DIAPH3: variants seen among roughly 807,000 people sequenced by gnomAD.
DIAPH3 encodes the protein diaphanous related formin 3.
DIAPH3 carries 117 observed loss-of-function variants against 144.3 expected under a neutral mutation model. The observed-to-expected ratio is 0.81, with a 90% CI of 0.70 to 0.95. The LOEUF is 0.95. DIAPH3 is among the 40% of genes least tolerant of loss of function. The pLI is 0.00. For missense variants in DIAPH3, 1,421 were observed against 1,412.7 expected (o/e 1.01, Z -0.09); for synonymous variants, 519 against 488.9 (o/e 1.06, Z -0.81).
intron 23 of DIAPH3, among the ~76,000 whole-genome samples, chr13:59,834,551 T>G (rs2041945238): frequency 6.6e-6 from 1 of 151,538 alleles, no homozygotes. Context: ...TCCTTTTCTT[T>G]GAGAAAAATA....
intron 4 of DIAPH3, among the ~76,000 whole-genome samples, chr13:60,054,630 T>C (rs2056488009): frequency 6.6e-6 from 1 of 152,020 alleles, no homozygotes; most frequent in Non-Finnish European, 1.5e-5. Context: ...TTTAAAGAAA[T>C]AGTTTGCACT....
chr13:59,972,802 C>G (rs2050463134), intron 15 of DIAPH3, among the ~76,000 whole-genome samples: 1 of 152,172 alleles, frequency 6.6e-6, no homozygotes, highest in South Asian at 2.1e-4. Flanking sequence ...GACACTGTGA[C>G]TATCTTGCTC....
rs2056812292 is a variant in DIAPH3 at position 60,062,503 on chromosome 13, A to G, written c.496-19683T>C. 2.0e-5 allele frequency among the ~76,000 whole-genome samples: 3 copies of G among 152,192 alleles called. No individual in the cohort carries two copies. In the South Asian group the frequency reaches 6.2e-4, roughly 32 times the overall value. ...ACTATTTCCTTCCAATTACCTTTAA[A>G]CCTTTACATTCTGACATCTACCAAG... On this transcript the variant is annotated intron_variant, in intron 4 of 27. Coordinates refer to ENST00000400324, the MANE Select transcript of DIAPH3 (RefSeq NM_001042517.2).
rs537028177 is a variant in DIAPH3 at position 60,042,678 on chromosome 13, T to G, written c.626+12A>C. 9.9e-6 allele frequency: 16 copies of G among 1,613,292 alleles called. No homozygotes were observed. Among genetic ancestry groups the G allele is most frequent in the Non-Finnish European group, 1.4e-5 (16 of 1,179,544 alleles). The stretch of plus-strand genomic sequence containing the variant: ...GACATCTGCCCTGTTGGTGTTCAAA[T>G]AGATGAATTACCTCACAGGATTGCT... On this transcript the variant is annotated intron_variant, in intron 5 of 27. Transcript: ENST00000400324.
At chr13:59,959,113 T>C (rs906341291) in intron 17 of DIAPH3, among the ~76,000 whole-genome samples, 4 of 152,076 alleles carry the variant, frequency 2.6e-5, no homozygotes, top group Non-Finnish European at 5.9e-5. Context: ...TGACCTCAGG[T>C]GCTCCACCCA....
At chr13:59,997,592 G>T (rs895144381) in intron 9 of DIAPH3, among the ~76,000 whole-genome samples, 8 of 151,570 alleles carry the variant, frequency 5.3e-5, no homozygotes, top group African/African-American at 9.7e-5. Flanking sequence ...TCTAACCTTT[G>T]GTTCCCTGAC....
intron 3 of DIAPH3, among the ~76,000 whole-genome samples, chr13:60,109,692 G>T (rs1183714487): frequency 6.6e-6 from 1 of 152,132 alleles, no homozygotes; most frequent in Admixed American, 6.5e-5. Context: ...AGAAAAATAA[G>T]CTCAGAGGGC....
chr13:60,142,539 G>A (rs1191269186), intron 1 of DIAPH3, among the ~76,000 whole-genome samples: 1 of 152,076 alleles, frequency 6.6e-6, no homozygotes, highest in East Asian at 1.9e-4. Context: ...AAGTTTGAGC[G>A]CCAACCCTAA....
At chr13:59,817,969 T>G (rs2040865503) in intron 24 of DIAPH3, among the ~76,000 whole-genome samples, 1 of 152,012 alleles carries the variant, frequency 6.6e-6, no homozygotes, top group Admixed American at 6.6e-5. Context: ...ACATTTGTTT[T>G]CATAGTACCT....
intron 17 of DIAPH3, among the ~76,000 whole-genome samples, chr13:59,949,765 G>C (rs2049004894): frequency 6.6e-6 from 1 of 152,050 alleles, no homozygotes; most frequent in Non-Finnish European, 1.5e-5. Context: ...ACAGTATCTT[G>C]AGTCAAGCAG....
intron 17 of DIAPH3, 41 bp downstream of exon 17, chr13:59,969,903 T>G (rs1310992710): frequency 1.6e-6 from 2 of 1,287,928 alleles, no homozygotes; most frequent in Non-Finnish European, 2.2e-6. Context: ...ATGTTAAAAT[T>G]CTAAAATCAA....
chr13:60,130,305 C>A (rs2059106788), intron 2 of DIAPH3, among the ~76,000 whole-genome samples: 1 of 152,206 alleles, frequency 6.6e-6, no homozygotes, highest in African/African-American at 2.4e-5. Flanking sequence ...CCTGCCTGAT[C>A]CTTCCCTGGA....
chr13:60,130,366 G>C (rs900281798), intron 2 of DIAPH3, among the ~76,000 whole-genome samples: 1 of 152,204 alleles, frequency 6.6e-6, no homozygotes, highest in South Asian at 2.1e-4. Context: ...GATCAGAAGA[G>C]AACAGTGAGA....
At chr13:59,912,230 A>C (rs1297282619) in intron 19 of DIAPH3, among the ~76,000 whole-genome samples, 1 of 152,178 alleles carries the variant, frequency 6.6e-6, no homozygotes. Context: ...CACTTCACTC[A>C]GGGGGATAAA....
intron 4 of DIAPH3, among the ~76,000 whole-genome samples, chr13:60,056,669 C>T (rs1377964425): frequency 6.6e-6 from 1 of 151,614 alleles, no homozygotes. Flanking sequence ...TAGAATAGTA[C>T]CAGATGATCC....
intron 25 of DIAPH3, among the ~76,000 whole-genome samples, chr13:59,796,618 A>T (rs1270316730): frequency 1.3e-5 from 2 of 152,244 alleles, no homozygotes; most frequent in Non-Finnish European, 2.9e-5. Context: ...GTGCATACAG[A>T]TATATTTCCC....
At chr13:60,096,619 G>T (rs1371189706) in intron 3 of DIAPH3, among the ~76,000 whole-genome samples, 2 of 152,220 alleles carry the variant, frequency 1.3e-5, no homozygotes, top group Non-Finnish European at 2.9e-5. Context: ...TCCGCCCTCA[G>T]TATGGGCAGG....
At chr13:60,135,296 G>A (rs1243349569) in intron 1 of DIAPH3, among the ~76,000 whole-genome samples, 1 of 151,146 alleles carries the variant, frequency 6.6e-6, no homozygotes, top group Admixed American at 6.6e-5. Flanking sequence ...ATCTCATTGA[G>A]GGTATAGCTT....
In DIAPH3 at chr13:59,924,922, A is replaced by T; in HGVS notation, c.2075-52T>A. On this transcript the variant is annotated intron_variant, in intron 17 of 27. Coordinates refer to ENST00000400324, the MANE Select transcript of DIAPH3 (RefSeq NM_001042517.2). ...AGGGGCAGCAATTCATTCAAATACAAAAGTGGAAAAAGTGAACTTTTTATC... is the reference window on the plus strand; with the variant it reads ...AGGGGCAGCAATTCATTCAAATACATAAGTGGAAAAAGTGAACTTTTTATC... The T allele has an allele frequency of 1.9e-6, 3 of 1,552,906 alleles. No homozygotes were observed. The East Asian group carries it at 7.0e-5, about 36-fold the overall frequency.
Sources: gnomAD v4.1 joint callset for allele counts (sites outside exome capture counted in the v4.1 genomes callset) on GRCh38, gnomAD v4.1.1 for gene constraint, MANE v1.5 for transcripts, NCBI Gene and HGNC (gene_info 2026-07-23, HGNC 2026-07-21) for gene names.